CAMTA1: variants seen among roughly 807,000 people sequenced by gnomAD.
The protein encoded by CAMTA1 is calmodulin binding transcription activator 1.
CAMTA1 carries 27 observed loss-of-function variants against 170.9 expected under a neutral mutation model. The ratio of observed to expected loss-of-function variants is 0.16; its 90% CI spans 0.12 to 0.22. CAMTA1 has a LOEUF of 0.22. CAMTA1 is among the 10% of genes least tolerant of loss of function. The pLI, the probability that CAMTA1 is intolerant of heterozygous loss-of-function variation, is 1.00. For synonymous variants in CAMTA1, 833 were observed against 891.5 expected (o/e 0.93, Z 1.17); for missense variants, 1,619 against 2,217.2 (o/e 0.73, Z 5.42).
At chr1:7,523,975 G>A (rs1452521290) in intron 6 of CAMTA1, among the ~76,000 whole-genome samples, 2 of 152,184 alleles carry the variant, frequency 1.3e-5, no homozygotes, top group Non-Finnish European at 2.9e-5. Flanking sequence ...AGCTGAGGCG[G>A]GTGGATCACA....
intron 5 of CAMTA1, among the ~76,000 whole-genome samples, chr1:7,467,624 C>T (rs937871242): frequency 5.2e-4 from 79 of 152,166 alleles, no homozygotes; most frequent in African/African-American, 1.8e-3. Context: ...TCGAGTCTGC[C>T]GGCTGGTGTG....
In CAMTA1 at chr1:6,902,078, A is replaced by AAAAC. The variant is rs1553180484; in HGVS notation, c.234+76871_234+76872insCAAA. On this transcript the variant is annotated intron_variant, in intron 3 of 22. Coordinates refer to ENST00000303635, the MANE Select transcript of CAMTA1 (RefSeq NM_015215.4). ...ACACACACACACACACACACAAAAA[A>AAAAC]AAAAATAAAAATAAAAACTCGTACT... is the stretch of plus-strand genomic sequence containing the variant. 3.2e-3 allele frequency among the ~76,000 whole-genome samples: 277 copies of AAAAC among 86,556 alleles called. 4 individuals carry two copies. The South Asian group carries it at 0.045, about 14-fold the overall frequency. 56.8% of individuals were successfully genotyped at this position (86,556 alleles called of 152,430 possible). A position where few individuals can be genotyped will look rare whatever the true frequency, so the allele number is the denominator to read the frequency against.
chr1:7,578,737 T>C (rs2150378555), intron 6 of CAMTA1, among the ~76,000 whole-genome samples: 2 of 152,292 alleles, frequency 1.3e-5, no homozygotes, highest in Middle Eastern at 6.8e-3. Flanking sequence ...CTGTGAGGGC[T>C]TCTTGCTTCA....
intron 3 of CAMTA1, among the ~76,000 whole-genome samples, chr1:6,915,234 A>G (rs1680540269): frequency 1.3e-5 from 2 of 152,228 alleles, no homozygotes; most frequent in South Asian, 2.1e-4. Context: ...AGAAAAGCAT[A>G]TATTTATGAA....
At chr1:7,713,464 A>G (rs972730108) in intron 11 of CAMTA1, among the ~76,000 whole-genome samples, 2 of 151,376 alleles carry the variant, frequency 1.3e-5, no homozygotes, top group Non-Finnish European at 2.9e-5. Context: ...AAAAAGTTTC[A>G]CATAAGTTTA....
At chr1:7,132,402 G>A (rs920200650) in intron 4 of CAMTA1, among the ~76,000 whole-genome samples, 4 of 152,188 alleles carry the variant, frequency 2.6e-5, no homozygotes, top group African/African-American at 9.7e-5. Flanking sequence ...AGCCTCCTGG[G>A]TAGCTAGGAC....
intron 3 of CAMTA1, among the ~76,000 whole-genome samples, chr1:7,062,857 G>C (rs925707719): frequency 6.6e-6 from 1 of 152,076 alleles, no homozygotes; most frequent in Non-Finnish European, 1.5e-5. Flanking sequence ...CTTCACTCCC[G>C]TCCCTGCTCC....
intron 4 of CAMTA1, among the ~76,000 whole-genome samples, chr1:7,237,946 A>G (rs1448006173): frequency 6.6e-6 from 1 of 152,246 alleles, no homozygotes; most frequent in East Asian, 1.9e-4. Flanking sequence ...ACTAAAACAG[A>G]GAGACCAAGT....
intron 6 of CAMTA1, among the ~76,000 whole-genome samples, chr1:7,621,452 C>T (rs936931864): frequency 2.6e-5 from 4 of 152,238 alleles, no homozygotes; most frequent in African/African-American, 7.2e-5. Flanking sequence ...CAACTGGAGA[C>T]AGTGACGGGA....
chr1:7,122,459 G>A (rs1644701036), intron 4 of CAMTA1, among the ~76,000 whole-genome samples: 1 of 152,072 alleles, frequency 6.6e-6, no homozygotes, highest in Non-Finnish European at 1.5e-5. Context: ...ATATTTGAAT[G>A]GATGGTCCCT....
intron 11 of CAMTA1, among the ~76,000 whole-genome samples, chr1:7,716,505 G>T (rs1453966311): frequency 6.6e-6 from 1 of 152,100 alleles, no homozygotes; most frequent in Non-Finnish European, 1.5e-5. Context: ...AGATTTTGTA[G>T]CACTATGAAA....
In CAMTA1 at chr1:7,588,428, A is replaced by G. The variant is rs931916952; in HGVS notation, c.511-51972A>G. Reference sequence around the variant, plus strand: ...AGGAGGCCCTGGGCTTCGTAATCACACTACACTAACGCCTCTGCAAGCATC... The same window carrying G: ...AGGAGGCCCTGGGCTTCGTAATCACGCTACACTAACGCCTCTGCAAGCATC... On this transcript the variant is annotated intron_variant, in intron 6 of 22. Coordinates refer to ENST00000303635, the MANE Select transcript of CAMTA1 (RefSeq NM_015215.4). This position sits in a 1 kb window ranked among gnomAD's most constrained non-coding sequence, Gnocchi z 5.8. Among the ~76,000 whole-genome samples, 2 of 152,104 alleles carry G rather than the reference A, an allele frequency of 1.3e-5. No individual in the cohort carries two copies. The highest frequency in any genetic ancestry group is 2.9e-5 in the Non-Finnish European group (2 of 68,008).
At chr1:7,615,513 G>A (rs898905226) in intron 6 of CAMTA1, among the ~76,000 whole-genome samples, 11 of 152,254 alleles carry the variant, frequency 7.2e-5, no homozygotes, top group African/African-American at 2.7e-4. Context: ...GAGCTGTTAA[G>A]AGGGTCAAAT....
chr1:6,906,263 TTC>T (rs1264179618), intron 3 of CAMTA1, among the ~76,000 whole-genome samples: 1 of 152,090 alleles, frequency 6.6e-6, no homozygotes, highest in Admixed American at 6.5e-5. Flanking sequence ...CAAGGGGTCT[TTC>T]TGGATATAGA....
rs1421458821 is a variant in CAMTA1, at chr1:7,681,998, C to T, written c.2914+4265C>T. Among the ~76,000 whole-genome samples the T allele has an allele frequency of 1.3e-5, 2 of 151,952 alleles. No homozygotes were observed. The highest frequency in any genetic ancestry group is 2.4e-5 in the African/African-American group (1 of 41,368). On this transcript the variant is annotated intron_variant, in intron 11 of 22. Transcript: ENST00000303635. This position sits in a 1 kb window ranked among gnomAD's most constrained non-coding sequence, Gnocchi z 4.6. Reference sequence around the variant, plus strand: ...TTAGGGTACCCTGTCCCCACCCCCACCTGCCGGCCCTTCTTGGAACCCCAC... The same window carrying T: ...TTAGGGTACCCTGTCCCCACCCCCATCTGCCGGCCCTTCTTGGAACCCCAC...
chr1:6,855,037 G>A (rs1474209711), intron 3 of CAMTA1, among the ~76,000 whole-genome samples: 3 of 152,014 alleles, frequency 2.0e-5, no homozygotes, highest in Non-Finnish European at 4.4e-5. Context: ...AATAGTACAG[G>A]GATGAGAAAG....
intron 6 of CAMTA1, among the ~76,000 whole-genome samples, chr1:7,468,957 G>A (rs1275454703): frequency 1.3e-5 from 2 of 152,196 alleles, no homozygotes. Flanking sequence ...AGCTGGTCTG[G>A]AAGGTGCCCA....
chr1:7,392,595 G>GA (rs142954423), intron 5 of CAMTA1, among the ~76,000 whole-genome samples: 2 of 151,492 alleles, frequency 1.3e-5, no homozygotes, highest in Non-Finnish European at 2.9e-5. Context: ...TTAGCTGGAG[G>GA]TGGGCGCAAT....
chr1:6,838,949 A>T (rs1467595053), intron 3 of CAMTA1, among the ~76,000 whole-genome samples: 1 of 152,020 alleles, frequency 6.6e-6, no homozygotes, highest in Non-Finnish European at 1.5e-5. Flanking sequence ...TGGAGACAGG[A>T]TCTTGCTGTC....
Sources: allele counts gnomAD v4.1 joint callset (sites outside exome capture counted in the v4.1 genomes callset), GRCh38; gene constraint gnomAD v4.1.1; non-coding constraint Gnocchi (gnomAD v3.1); transcripts MANE v1.5; gene names NCBI Gene and HGNC (gene_info 2026-07-23, HGNC 2026-07-21).